Variants in RBFOX1 observed in about 807,000 individuals in gnomAD.
RBFOX1 encodes the protein RNA binding fox-1 homolog 1, also known as RNA binding protein fox-1 homolog 1.
A neutral mutation model predicts 57.7 loss-of-function variants in RBFOX1; 8 were observed. The observed-to-expected ratio is 0.14, with a 90% CI of 0.08 to 0.25. The LOEUF (loss-of-function observed/expected upper bound fraction) is 0.25. RBFOX1 is among the 10% of genes least tolerant of loss of function. RBFOX1 has a pLI of 1.00. For synonymous variants in RBFOX1, 326 were observed against 222.4 expected, an observed-to-expected ratio of 1.47 and a Z score of -4.15; for missense variants, 611 against 548.5, an observed-to-expected ratio of 1.11 and a Z score of -1.14.
At chr16:6,827,722 A>C (rs1167931010) in intron 3 of RBFOX1, among the ~76,000 whole-genome samples, 1 of 152,010 alleles carries the variant, frequency 6.6e-6, no homozygotes, top group Admixed American at 6.6e-5. Flanking sequence ...TTGTTTGCCC[A>C]TGCTGATCCC....
chr16:5,349,298 C>G (rs2065210193), intron 1 of RBFOX1, among the ~76,000 whole-genome samples: 1 of 152,090 alleles, frequency 6.6e-6, no homozygotes, highest in Non-Finnish European at 1.5e-5. Flanking sequence ...TTCATGGGTA[C>G]AAAGTTTCAG....
In RBFOX1 at chr16:7,469,611, T is replaced by A. The variant is rs951321134; in HGVS notation, c.28-48536T>A. Among the ~76,000 whole-genome samples the A allele has an allele frequency of 1.3e-5, 2 of 152,222 alleles. 1 individual carries two copies. The highest frequency in any genetic ancestry group is 4.8e-5 in the African/African-American group (2 of 41,466). ...GTTGTGATATAGCCCTGAGTTCCCA[T>A]GCACCCACACTCCGTTTCCTCTCTT... On this transcript the variant is annotated intron_variant, in intron 4 of 15. Transcript: ENST00000550418.
chr16:5,504,814 G>A (rs781694621), intron 2 of RBFOX1, among the ~76,000 whole-genome samples: 15 of 152,190 alleles, frequency 9.9e-5, no homozygotes, highest in Non-Finnish European at 1.9e-4. Context: ...GGCCATGAGC[G>A]GTGACGTTGG....
chr16:5,384,884 A>T (rs554197916), intron 1 of RBFOX1, among the ~76,000 whole-genome samples: 1 of 152,264 alleles, frequency 6.6e-6, no homozygotes, highest in East Asian at 1.9e-4. Flanking sequence ...GGTCGTGAGG[A>T]TTAAATGGGC....
chr16:6,200,998 T>C (rs1227823410), intron 1 of RBFOX1, among the ~76,000 whole-genome samples: 1 of 152,106 alleles, frequency 6.6e-6, no homozygotes, highest in Admixed American at 6.5e-5. Flanking sequence ...AAATCCGCAT[T>C]ATGCTCAAAT....
chr16:5,950,304 G>T (rs1262385025), intron 4 of RBFOX1, among the ~76,000 whole-genome samples: 1 of 152,212 alleles, frequency 6.6e-6, no homozygotes, highest in Non-Finnish European at 1.5e-5. Flanking sequence ...CAGGAAGCCA[G>T]CCCTGCCATG....
chr16:5,692,772 C>G (rs775157198), intron 3 of RBFOX1, among the ~76,000 whole-genome samples: 3 of 152,010 alleles, frequency 2.0e-5, no homozygotes, highest in Non-Finnish European at 4.4e-5. Flanking sequence ...ACACAGCCCA[C>G]CGAACAAGAA....
intron 2 of RBFOX1, among the ~76,000 whole-genome samples, chr16:6,472,422 G>T (rs1230225812): frequency 6.6e-6 from 1 of 152,120 alleles, no homozygotes; most frequent in East Asian, 1.9e-4. Context: ...GTGAGATGTT[G>T]ACCCTATTTC....
chr16:7,651,895 G>C (rs1202812596), intron 11 of RBFOX1, among the ~76,000 whole-genome samples: 3 of 152,230 alleles, frequency 2.0e-5, no homozygotes, highest in African/African-American at 7.2e-5. Context: ...TGCTTAGTGA[G>C]ATGGGACAAG....
intron 3 of RBFOX1, among the ~76,000 whole-genome samples, chr16:6,969,055 A>G (rs539549284): frequency 1.3e-4 from 20 of 152,062 alleles, no homozygotes; most frequent in Non-Finnish European, 2.8e-4. Context: ...TACAGTTCCC[A>G]TCCGAGAGGT....
intron 4 of RBFOX1, among the ~76,000 whole-genome samples, chr16:7,500,606 G>C (rs1416529439): frequency 6.6e-6 from 1 of 152,136 alleles, no homozygotes; most frequent in South Asian, 2.1e-4. Flanking sequence ...AATACCTCTA[G>C]GGTTCATATC....
chr16:7,355,816 G>T (rs2097205032), intron 4 of RBFOX1, among the ~76,000 whole-genome samples: 1 of 152,180 alleles, frequency 6.6e-6, no homozygotes, highest in Non-Finnish European at 1.5e-5. Flanking sequence ...CCAATCTGTT[G>T]GGTGATAATT....
intron 4 of RBFOX1, among the ~76,000 whole-genome samples, chr16:5,907,306 A>G (rs755917052): frequency 2.0e-5 from 3 of 152,198 alleles, no homozygotes; most frequent in South Asian, 2.1e-4. Flanking sequence ...CCCCTGGACC[A>G]GGATCTTCTA....
chr16:7,428,093 G>T (rs1335642954), intron 4 of RBFOX1, among the ~76,000 whole-genome samples: 5 of 152,058 alleles, frequency 3.3e-5, no homozygotes, highest in Admixed American at 2.0e-4. Flanking sequence ...GGAGGCCCCA[G>T]CTGCATTTGT....
chr16:5,853,469 C>A (rs537444844), intron 3 of RBFOX1, among the ~76,000 whole-genome samples: 5 of 152,212 alleles, frequency 3.3e-5, no homozygotes, highest in African/African-American at 9.6e-5. Context: ...GAGTCGGACA[C>A]AGGCCCCAGC....
intron 2 of RBFOX1, among the ~76,000 whole-genome samples, chr16:6,504,057 T>G (rs534133521): frequency 2.0e-5 from 3 of 152,226 alleles, no homozygotes; most frequent in Non-Finnish European, 2.9e-5. Flanking sequence ...TCAGCACCAC[T>G]GATAATTTTG....
chr16:7,438,573 C>T (rs1036521495), intron 4 of RBFOX1, among the ~76,000 whole-genome samples: 3 of 152,146 alleles, frequency 2.0e-5, no homozygotes, highest in South Asian at 4.1e-4. Flanking sequence ...ATTTGTAAAC[C>T]TCTCTGAATC....
chr16:7,214,969 A>G (rs1209381332), intron 4 of RBFOX1, among the ~76,000 whole-genome samples: 3 of 152,120 alleles, frequency 2.0e-5, no homozygotes, highest in South Asian at 2.1e-4. Context: ...TCCACGTGCC[A>G]TGGTGGTTTG....
chr16:6,227,015 T>C (rs1407159679), intron 1 of RBFOX1, among the ~76,000 whole-genome samples: 2 of 151,522 alleles, frequency 1.3e-5, no homozygotes, highest in East Asian at 3.9e-4. Flanking sequence ...TGCCAGCTAC[T>C]TGGGAGGCTG....
Sources: gnomAD v4.1 joint callset for allele counts (sites outside exome capture counted in the v4.1 genomes callset) on GRCh38, gnomAD v4.1.1 for gene constraint, MANE v1.5 for transcripts, NCBI Gene and HGNC (gene_info 2026-07-23, HGNC 2026-07-21) for gene names.